The following FCF1 variants were observed in gnomAD, a reference collection of about 807,000 sequenced individuals.
FCF1 encodes the protein FCF1 rRNA-processing protein.
FCF1 carries 17 observed loss-of-function variants against 32.5 expected under a neutral mutation model. The observed-to-expected ratio is 0.52, with a 90% CI of 0.36 to 0.78. The LOEUF is 0.78. Among genes scored for constraint, FCF1 ranks in the 30% least tolerant of loss-of-function variants. FCF1 has a pLI of 0.00. For missense variants in FCF1, 201 were observed against 241.1 expected, an observed-to-expected ratio of 0.83 and a Z score of 1.10; for synonymous variants, 84 against 78.4, an observed-to-expected ratio of 1.07 and a Z score of -0.38.
intron 7 of FCF1, 85 bp downstream of exon 7, chr14:74,734,255 A>G (rs1283477424): frequency 7.9e-6 from 6 of 763,030 alleles, no homozygotes; most frequent in Non-Finnish European, 1.3e-5. Flanking sequence ...GTTATAAAGG[A>G]TTTGAAAGAA....
rs774404795 is a variant in FCF1, at chr14:74,716,079, T to C, written c.272T>C (p.Met91Thr). The change falls in exon 4 of 8, where the codon ATG becomes ACG. Residue 91 changes from methionine to threonine, a missense_variant. Around this residue, in one of 3 missense-constraint regions of FCF1, gnomAD observed 121 missense variants for 147.8 expected, o/e 0.82. Coordinates refer to ENST00000341162, the MANE Select transcript of FCF1 (RefSeq NM_015962.5). ...KAKLDLVQSM[M>T]DCLYAKCIPC... ...AAACTGGACTTAGTGCAGTCAATGATGGACTGTCTGTATGCCAAGTGTGAG... is the reference window on the plus strand; with the variant it reads ...AAACTGGACTTAGTGCAGTCAATGACGGACTGTCTGTATGCCAAGTGTGAG... 1.3e-5 allele frequency: 21 copies of C among 1,614,020 alleles called. No individual in the cohort carries two copies. The highest frequency in any genetic ancestry group is 8.9e-5 in the East Asian group (4 of 44,866).
rs1235639803 is a variant in FCF1 at position 74,737,534 on chromosome 14, A to C, written c.*2604A>C. 1 of 152,262 alleles carries C rather than the reference A, an allele frequency of 6.6e-6. No homozygotes were observed. The allele number at this position is 152,262 out of a possible 1,614,324, so 9.4% of individuals were successfully genotyped here. ...TCTGTATGAGTTGGACAAACCATATAACCATCTGTTGCCTTCCTTGTTTCC... is the reference window on the plus strand; with the variant it reads ...TCTGTATGAGTTGGACAAACCATATCACCATCTGTTGCCTTCCTTGTTTCC... On this transcript the variant is annotated 3_prime_UTR_variant, in exon 8 of 8. Coordinates refer to ENST00000341162, the MANE Select transcript of FCF1 (RefSeq NM_015962.5).
At chr14:74,731,906 G>A (rs777187173) in intron 5 of FCF1, among the ~76,000 whole-genome samples, 1 of 151,976 alleles carries the variant, frequency 6.6e-6, no homozygotes, top group Non-Finnish European at 1.5e-5. Flanking sequence ...ACACAGAGTT[G>A]GGGTTTTTCT....
At chr14:74,733,440 T>G (rs1189062767) in intron 6 of FCF1, among the ~76,000 whole-genome samples, 1 of 152,148 alleles carries the variant, frequency 6.6e-6, no homozygotes, top group African/African-American at 2.4e-5. Flanking sequence ...GGGCCAGTAT[T>G]TCCCACAGCA....
chr14:74,723,483 T>G (rs1365877149), intron 5 of FCF1, 139 bp downstream of exon 5: 9 of 600,986 alleles, frequency 1.5e-5, no homozygotes, highest in Non-Finnish European at 2.6e-5. Context: ...TGTTTTGGTC[T>G]TTCTCTCACA....
intron 5 of FCF1, among the ~76,000 whole-genome samples, chr14:74,731,299 G>GCAT (rs779705609): frequency 6.6e-6 from 1 of 152,284 alleles, no homozygotes; most frequent in South Asian, 2.1e-4. Context: ...ATATATGACA[G>GCAT]CATGTTAGTA....
chr14:74,732,915 A>G, intron 6 of FCF1, 97 bp downstream of exon 6: 1 of 711,402 alleles, frequency 1.4e-6, no homozygotes, highest in Non-Finnish European at 2.3e-6. Flanking sequence ...ATCTAGGAAT[A>G]TACATTATGG....
Position 74,737,924 on chromosome 14 carries a change from TTG to T in FCF1, c.*2997_*2998del, listed in dbSNP as rs1222919974. 1 of 150,522 alleles carries T rather than the reference TTG, an allele frequency of 6.6e-6. No individual in the cohort carries two copies. The highest frequency in any genetic ancestry group is 2.5e-5 in the African/African-American group (1 of 40,728). The allele number at this position is 150,522 out of a possible 1,614,324, so 9.3% of individuals were successfully genotyped here. ...AACGCTTGAACCTGGGAGATGGAGGTTGTGATGAGCCGAGATCATGCCATTGC... is the reference window on the plus strand; with the variant it reads ...AACGCTTGAACCTGGGAGATGGAGGTTGATGAGCCGAGATCATGCCATTGC... On this transcript the variant is annotated 3_prime_UTR_variant, in exon 8 of 8. Coordinates refer to ENST00000341162, the MANE Select transcript of FCF1 (RefSeq NM_015962.5).
At chr14:74,729,086 G>A (rs1468207032) in intron 5 of FCF1, among the ~76,000 whole-genome samples, 6 of 152,098 alleles carry the variant, frequency 3.9e-5, no homozygotes, top group African/African-American at 1.4e-4. Context: ...GTCTCTGCCC[G>A]GCTTTGGTAT....
chr14:74,719,129 CAAAAAAAAAA>C (rs1167421434), intron 4 of FCF1, among the ~76,000 whole-genome samples: 3 of 34,304 alleles, frequency 8.7e-5, no homozygotes, highest in African/African-American at 3.8e-4. Flanking sequence ...GACTCTGTCT[CAAAAAAAAAA>C]AAAAAAAAAA....
At chr14:74,733,471 C>CT (rs1204235537) in intron 6 of FCF1, among the ~76,000 whole-genome samples, 1 of 152,204 alleles carries the variant, frequency 6.6e-6, no homozygotes, top group Non-Finnish European at 1.5e-5. Flanking sequence ...CACTCTGCCA[C>CT]TTTTTATAAA....
intron 5 of FCF1, among the ~76,000 whole-genome samples, chr14:74,730,827 C>G (rs1210967814): frequency 6.6e-6 from 1 of 152,048 alleles, no homozygotes; most frequent in African/African-American, 2.4e-5. Flanking sequence ...TGGTGAAACC[C>G]CGTCTCTCCT....
At chr14:74,724,172 G>T (rs570361727) in intron 5 of FCF1, among the ~76,000 whole-genome samples, 6 of 152,306 alleles carry the variant, frequency 3.9e-5, no homozygotes, top group African/African-American at 1.4e-4. Context: ...TAAAATCCAG[G>T]TTGTTCATAC....
intron 5 of FCF1, among the ~76,000 whole-genome samples, chr14:74,724,664 G>T (rs2090551683): frequency 6.6e-6 from 1 of 152,204 alleles, no homozygotes; most frequent in Admixed American, 6.5e-5. Flanking sequence ...CAACACCTTG[G>T]GAGGCTGAGG....
intron 4 of FCF1, among the ~76,000 whole-genome samples, chr14:74,722,579 T>C (rs1280988333): frequency 6.6e-6 from 1 of 152,158 alleles, no homozygotes. Flanking sequence ...TTAAAATTTT[T>C]ATGTGATCAG....
chr14:74,722,642 T>C (rs1328468225), intron 4 of FCF1, among the ~76,000 whole-genome samples: 1 of 152,092 alleles, frequency 6.6e-6, no homozygotes, highest in East Asian at 1.9e-4. Flanking sequence ...ATTTAAATTT[T>C]ATTTCATCTG....
rs1594792742 is a variant in FCF1 at position 74,732,738 on chromosome 14, A to G, written c.373A>G (p.Lys125Glu). 1.9e-6 allele frequency: 3 copies of G among 1,611,012 alleles called. No individual in the cohort carries two copies. Residue 125 changes from lysine to glutamate, a missense_variant, in exon 6 of 8, where the codon AAG becomes GAG. Around this residue, in one of 3 missense-constraint regions of FCF1, gnomAD observed 121 missense variants for 147.8 expected, o/e 0.82. Transcript: ENST00000341162. ...QKYRVALRIA[K>E]DPRFERLPCT... is the part of the protein sequence containing the mutation. ...TCTTTAATCCACCTACAGGATTGCC[A>G]AGGATCCAAGATTTGAACGATTACC...
rs1482656848 is a variant in FCF1 at position 74,715,736 on chromosome 14, G to C, written c.144-215G>C. On this transcript the variant is annotated intron_variant, in intron 3 of 7. Transcript: ENST00000341162. ...TTTTGTTTGTTTGTTTTTGATAATT[G>C]CTTTTTTAAAGTTGGTGACAAAGGT... 3.9e-6 allele frequency: 4 copies of C among 1,019,002 alleles called. No individual in the cohort carries two copies. In the African/African-American group the frequency reaches 6.5e-5, roughly 17 times the overall value. 63.1% of individuals were successfully genotyped at this position (1,019,002 alleles called of 1,614,324 possible).
At chr14:74,734,363 A>G (rs1329528904) in intron 7 of FCF1, among the ~76,000 whole-genome samples, 193 bp downstream of exon 7, 2 of 142,482 alleles carry the variant, frequency 1.4e-5, no homozygotes, top group African/African-American at 5.2e-5. Context: ...AATGAGGCAA[A>G]CATTTAAATT....
Sources: allele counts gnomAD v4.1 joint callset (sites outside exome capture counted in the v4.1 genomes callset), GRCh38; gene constraint gnomAD v4.1.1; regional missense constraint gnomAD v4.1.1; transcripts MANE v1.5; gene names NCBI Gene and HGNC (gene_info 2026-07-23, HGNC 2026-07-21).